CD226: variants seen among roughly 807,000 people sequenced by gnomAD.
CD226 encodes CD226 molecule, also known as CD226 antigen.
CD226 carries 24 observed loss-of-function variants against 34.9 expected under a neutral mutation model. The ratio of observed to expected loss-of-function variants is 0.69; its 90% confidence interval spans 0.50 to 0.97. CD226 has a LOEUF of 0.97. Among genes scored for constraint, CD226 ranks in the 50% least tolerant of loss-of-function variants. CD226 has a pLI of 0.00. For synonymous variants in CD226, 148 were observed against 147.4 expected (o/e 1.00, Z -0.03); for missense variants, 397 against 412.7 (o/e 0.96, Z 0.33).
chr18:69,892,644 A>G (rs1239771569), intron 3 of CD226, among the ~76,000 whole-genome samples: 1 of 152,130 alleles, frequency 6.6e-6, no homozygotes, highest in South Asian at 2.1e-4. Flanking sequence ...AAACCAATCA[A>G]GGCCTGGATA....
chr18:69,873,613 T>A (rs1165250169), intron 3 of CD226, among the ~76,000 whole-genome samples: 1 of 150,398 alleles, frequency 6.6e-6, no homozygotes, highest in Non-Finnish European at 1.5e-5. Flanking sequence ...GTGTAGTGGC[T>A]CAGGCCTGTA....
At chr18:69,904,914 G>C (rs1396938891) in intron 2 of CD226, among the ~76,000 whole-genome samples, 7 of 152,220 alleles carry the variant, frequency 4.6e-5, no homozygotes, top group Admixed American at 4.6e-4. Context: ...TTCTGTACTA[G>C]AGAATAGATT....
intron 1 of CD226, among the ~76,000 whole-genome samples, chr18:69,953,147 G>A (rs1266999043): frequency 6.6e-6 from 1 of 152,206 alleles, no homozygotes; most frequent in African/African-American, 2.4e-5. Flanking sequence ...TGCAGCTGCT[G>A]TGAAGAACAG....
intron 4 of CD226, among the ~76,000 whole-genome samples, chr18:69,869,892 C>T (rs1983400847): frequency 6.6e-6 from 1 of 151,410 alleles, no homozygotes; most frequent in South Asian, 2.1e-4. Flanking sequence ...CCTCCGCCTC[C>T]CGGGTTCAAG....
At chr18:69,910,939 T>C (rs2055316589) in intron 2 of CD226, among the ~76,000 whole-genome samples, 1 of 152,076 alleles carries the variant, frequency 6.6e-6, no homozygotes, top group Non-Finnish European at 1.5e-5. Flanking sequence ...TACAAGGCAA[T>C]GGAGTAAACA....
chr18:69,960,607 G>A (rs558308888), upstream of CD226, among the ~76,000 whole-genome samples: 10 of 152,222 alleles, frequency 6.6e-5, no homozygotes, highest in East Asian at 9.7e-4. Context: ...GCACCAACAC[G>A]CATGGCTAAT....
At chr18:69,903,899 T>C (rs976206587) in intron 2 of CD226, among the ~76,000 whole-genome samples, 3 of 152,078 alleles carry the variant, frequency 2.0e-5, no homozygotes, top group Non-Finnish European at 2.9e-5. Context: ...AGGACACTAA[T>C]AGGGAGTAAG....
intron 4 of CD226, among the ~76,000 whole-genome samples, chr18:69,870,955 G>C (rs78426686): frequency 0.016 from 2,442 of 152,298 alleles, 27 homozygotes; most frequent in Admixed American, 0.026. Flanking sequence ...CTTTTCCCTT[G>C]TGGTGTGCAT....
chr18:69,901,688 G>A (rs1294355255), intron 2 of CD226, among the ~76,000 whole-genome samples: 2 of 151,334 alleles, frequency 1.3e-5, no homozygotes, highest in African/African-American at 2.4e-5. Context: ...GACCATCCTG[G>A]CTAACATGGT....
chr18:69,925,447 C>CT lies in CD226; in HGVS notation c.382+21286dup, dbSNP rs370748382. Among the ~76,000 whole-genome samples, 130 of 150,140 alleles carry CT rather than the reference C, an allele frequency of 8.7e-4. 1 individual carries two copies. Among genetic ancestry groups the CT allele is most frequent in the East Asian group, 1.4e-3 (7 of 5,132 alleles). On this transcript the variant is annotated intron_variant, in intron 2 of 5. Transcript: ENST00000582621. ...AAAAACTCGTTTAGATTTTCAAGCT[C>CT]TTTTTTTTTTCCACTTTCTATTCAC...
At position 69,864,151 on chromosome 18, in the gene CD226, T is replaced by C; in HGVS notation, c.*163A>G. On this transcript the variant is annotated 3_prime_UTR_variant, in exon 6 of 6. Coordinates refer to ENST00000582621, the MANE Select transcript of CD226 (RefSeq NM_001303618.2). ...AGAGTCAGGTTTTCTGAAACAGTTC[T>C]ATGAAAAATGATTTTAGGTAATGAA... The C allele has an allele frequency of 1.6e-6, 1 of 622,672 alleles. No individual in the cohort carries two copies. Among genetic ancestry groups the C allele is most frequent in the Non-Finnish European group, 2.7e-6 (1 of 363,818 alleles). 38.6% of individuals were successfully genotyped at this position (622,672 alleles called of 1,614,324 possible).
intron 2 of CD226, among the ~76,000 whole-genome samples, chr18:69,923,837 C>T (rs1272266239): frequency 6.6e-6 from 1 of 151,640 alleles, no homozygotes; most frequent in Non-Finnish European, 1.5e-5. Flanking sequence ...GCCTGTAGTC[C>T]CAGCTACTTG....
At chr18:69,903,230 A>G (rs76590662) in intron 2 of CD226, among the ~76,000 whole-genome samples, 2,113 of 152,276 alleles carry the variant, frequency 0.014, 21 homozygotes, top group Non-Finnish European at 0.021. Flanking sequence ...TGACAGCCAA[A>G]AAGTGAAAAA....
chr18:69,915,471 G>C (rs1308539178), intron 2 of CD226, among the ~76,000 whole-genome samples: 1 of 152,170 alleles, frequency 6.6e-6, no homozygotes, highest in Non-Finnish European at 1.5e-5. Context: ...CCAGATTACA[G>C]TTAGTTCTCA....
At chr18:69,947,105 G>C in intron 1 of CD226, 36 bp from the exon 2 acceptor site, 1 of 1,520,182 alleles carries the variant, frequency 6.6e-7, no homozygotes, top group Non-Finnish European at 9.1e-7. Flanking sequence ...TGTTAGCCTT[G>C]ATGATGGAAA....
intron 3 of CD226, among the ~76,000 whole-genome samples, chr18:69,889,685 C>T (rs138227044): frequency 6.6e-6 from 1 of 152,148 alleles, no homozygotes; most frequent in Non-Finnish European, 1.5e-5. Context: ...AAGCCATCTA[C>T]AGGCAAGATT....
Position 69,857,249 on chromosome 18 carries a change from C to A in CD226, c.*7065G>T, listed in dbSNP as rs1460445402. The A allele has an allele frequency of 6.6e-6, 1 of 152,218 alleles. No individual in the cohort carries two copies. Among genetic ancestry groups the A allele is most frequent in the Non-Finnish European group, 1.5e-5 (1 of 68,032 alleles). 9.4% of individuals were successfully genotyped at this position (152,218 alleles called of 1,614,324 possible). ...ATTACAGAAAGGTTAGAAGAGTAAT[C>A]TCTATCTCTAGAAGCTACTGAGCCA... On this transcript the variant is annotated 3_prime_UTR_variant, in exon 6 of 6. Transcript: ENST00000582621.
chr18:69,948,879 A>G (rs1228802355), upstream of CD226, among the ~76,000 whole-genome samples: 1 of 152,202 alleles, frequency 6.6e-6, no homozygotes, highest in Non-Finnish European at 1.5e-5. Flanking sequence ...GGGTCATATT[A>G]ATTTTAAAAG....
At chr18:69,892,263 A>G (rs1184863456) in intron 3 of CD226, among the ~76,000 whole-genome samples, 2 of 152,234 alleles carry the variant, frequency 1.3e-5, no homozygotes, top group Non-Finnish European at 2.9e-5. Flanking sequence ...TTTATAGCCA[A>G]TAAGGTCAGT....
Sources: allele counts gnomAD v4.1 joint callset (sites outside exome capture counted in the v4.1 genomes callset), GRCh38; gene constraint gnomAD v4.1.1; transcripts MANE v1.5; gene names NCBI Gene and HGNC (gene_info 2026-07-23, HGNC 2026-07-21).